The following NFIB variants were observed in gnomAD, a reference collection of about 807,000 sequenced individuals.
NFIB encodes nuclear factor I B.
In NFIB, 11 loss-of-function variants were observed where a neutral mutation model predicts 61.5. The ratio of observed to expected loss-of-function variants is 0.18; its 90% CI spans 0.11 to 0.30. The LOEUF is 0.30. NFIB is among the 10% of genes least tolerant of loss of function. The pLI is 1.00. For missense variants in NFIB, 471 were observed against 608.9 expected (o/e 0.77, Z 2.38); for synonymous variants, 260 against 216.5 (o/e 1.20, Z -1.76).
intron 1 of NFIB, among the ~76,000 whole-genome samples, chr9:14,335,927 CT>C (rs1172892490): frequency 6.6e-6 from 1 of 152,274 alleles, no homozygotes; most frequent in South Asian, 2.1e-4. Context: ...ATTGAAAAGA[CT>C]TTTTTCCCCC....
chr9:14,427,140 G>GA, the NFIB span, among the ~76,000 whole-genome samples: 3 of 152,096 alleles, frequency 2.0e-5, no homozygotes, highest in African/African-American at 7.2e-5. Flanking sequence ...TATCATGATG[G>GA]ATTGCAAGTG....
the NFIB span, among the ~76,000 whole-genome samples, chr9:14,512,932 T>TG: frequency 5.6e-5 from 4 of 71,756 alleles, no homozygotes; most frequent in East Asian, 7.7e-4. Context: ...CCAAAGCTTT[T>TG]GAAAAAAAAA....
chr9:14,227,694 A>G (rs958398556), intron 2 of NFIB, among the ~76,000 whole-genome samples: 5 of 152,198 alleles, frequency 3.3e-5, no homozygotes, highest in African/African-American at 1.2e-4. Context: ...TTTTGTAACA[A>G]GATTCACAAT....
At chr9:14,114,715 T>C (rs1405775207) in intron 9 of NFIB, among the ~76,000 whole-genome samples, 1 of 152,184 alleles carries the variant, frequency 6.6e-6, no homozygotes, top group East Asian at 1.9e-4. Flanking sequence ...CTGTGATCAT[T>C]TGGGTCTGAT....
chr9:14,490,506 G>A, the NFIB span, among the ~76,000 whole-genome samples: 1 of 152,076 alleles, frequency 6.6e-6, no homozygotes, highest in Admixed American at 6.5e-5. Flanking sequence ...AAGATACTAT[G>A]AAGAAGTGAA....
intron 2 of NFIB, among the ~76,000 whole-genome samples, chr9:14,234,895 C>T (rs755181144): frequency 6.6e-6 from 1 of 150,384 alleles, no homozygotes; most frequent in Admixed American, 6.6e-5. Context: ...GAGGTGAAAT[C>T]ACTGGATCAA....
chr9:14,384,315 G>C (rs1474560879), intron 1 of NFIB, among the ~76,000 whole-genome samples: 4 of 152,162 alleles, frequency 2.6e-5, no homozygotes, highest in Non-Finnish European at 5.9e-5. Flanking sequence ...TAGAGGCCTT[G>C]ACAAATATTC....
At chr9:14,090,623 T>G (rs7849760) in intron 10 of NFIB, among the ~76,000 whole-genome samples, 9,348 of 152,100 alleles carry the variant, frequency 0.061, 921 homozygotes, top group African/African-American at 0.21. Flanking sequence ...ACAAAAATGG[T>G]TATACATTAT....
the NFIB span, among the ~76,000 whole-genome samples, chr9:14,428,945 A>T: frequency 6.6e-6 from 1 of 152,322 alleles, no homozygotes; most frequent in South Asian, 2.1e-4. Context: ...ATGAACGACA[A>T]AAAGCAGCGC....
At chr9:14,282,772 G>A (rs1009136875) in intron 2 of NFIB, among the ~76,000 whole-genome samples, 15 of 152,182 alleles carry the variant, frequency 9.9e-5, no homozygotes, top group East Asian at 1.9e-4. Context: ...GAATTAGGCC[G>A]CACAGCCAGG....
At chr9:14,200,244 T>G (rs2048887712) in intron 2 of NFIB, among the ~76,000 whole-genome samples, 1 of 152,168 alleles carries the variant, frequency 6.6e-6, no homozygotes. Flanking sequence ...ATGAAGAAAA[T>G]GCAAATTTCC....
chr9:14,527,022 T>C, the NFIB span, among the ~76,000 whole-genome samples: 2 of 152,144 alleles, frequency 1.3e-5, no homozygotes, highest in Non-Finnish European at 2.9e-5. Flanking sequence ...GGCACATACA[T>C]GAAAATAAAT....
chr9:14,142,030 T>C (rs1009490573), intron 6 of NFIB, among the ~76,000 whole-genome samples: 9 of 152,190 alleles, frequency 5.9e-5, no homozygotes, highest in African/African-American at 2.2e-4. Flanking sequence ...CAGACTTAGA[T>C]AAATTAGTGA....
upstream of NFIB, among the ~76,000 whole-genome samples, chr9:14,400,474 G>GT (rs145971890): frequency 0.011 from 1,720 of 152,194 alleles, 20 homozygotes; most frequent in Non-Finnish European, 0.017. Context: ...GATTGTTGAG[G>GT]CATCAGGTAA....
chr9:14,398,385 T>G (rs893106896), intron 1 of NFIB: 1 of 605,860 alleles, frequency 1.7e-6, no homozygotes. Context: ...TCGCTCTACA[T>G]TGGAAAACCA....
intron 1 of NFIB, among the ~76,000 whole-genome samples, chr9:14,375,400 G>C (rs2061022056): frequency 6.6e-6 from 1 of 152,208 alleles, no homozygotes; most frequent in South Asian, 2.1e-4. Context: ...GCTCATGCCT[G>C]TAATCCCAGC....
At chr9:14,289,437 A>T (rs2132520751) in intron 2 of NFIB, among the ~76,000 whole-genome samples, 1 of 151,882 alleles carries the variant, frequency 6.6e-6, no homozygotes, top group African/African-American at 2.4e-5. Flanking sequence ...GGGGCAGTAT[A>T]GACGAACTAA....
chr9:14,187,408 C>A (rs1157218467), intron 2 of NFIB, among the ~76,000 whole-genome samples: 1 of 152,126 alleles, frequency 6.6e-6, no homozygotes, highest in East Asian at 1.9e-4. Context: ...AGTATGAAGA[C>A]CTATATCTTC....
At chr9:14,508,233 ATG>A in the NFIB span, among the ~76,000 whole-genome samples, 1 of 151,944 alleles carries the variant, frequency 6.6e-6, no homozygotes, top group African/African-American at 2.4e-5. Context: ...GTGTTTGTGT[ATG>A]TGTGTATGTG....
Sources: allele counts gnomAD v4.1 joint callset (sites outside exome capture counted in the v4.1 genomes callset), GRCh38; gene constraint gnomAD v4.1.1; transcripts MANE v1.5; gene names NCBI Gene and HGNC (gene_info 2026-07-23, HGNC 2026-07-21).